Variants in FNTB observed in about 807,000 individuals in gnomAD.
FNTB encodes the protein farnesyltransferase, CAAX box, subunit beta.
Under a neutral mutation model 59.4 loss-of-function variants are expected in FNTB, and 27 were observed. The observed-to-expected ratio is 0.45, with a 90% CI of 0.34 to 0.63. The LOEUF (loss-of-function observed/expected upper bound fraction) is 0.63, where lower values mean the gene tolerates loss of function less well. Ranked by LOEUF, FNTB falls within the 20% of genes least tolerant of loss-of-function variation. The probability of loss-of-function intolerance (pLI) is 0.02; values close to 1 mark genes in which losing one functional copy is unlikely to be tolerated. For missense variants in FNTB, 449 were observed against 559.6 expected (o/e 0.80, Z 1.99); for synonymous variants, 230 against 220.7 (o/e 1.04, Z -0.37).
chr14:65,002,612 T>A (rs897683140), intron 1 of FNTB, among the ~76,000 whole-genome samples: 2 of 149,602 alleles, frequency 1.3e-5, no homozygotes, highest in Admixed American at 6.7e-5. Flanking sequence ...CTCAAAAAAA[T>A]AATAATAATA....
At position 65,011,453 on chromosome 14, in the gene FNTB, G is replaced by A. The variant is rs201721177; in HGVS notation, c.210-864G>A. ...CAGGAAAAAAAAAAAAAAAAAAAAAGACTGCATGAAGGCTCTTACTCTGAG... is the reference window on the plus strand; with the variant it reads ...CAGGAAAAAAAAAAAAAAAAAAAAAAACTGCATGAAGGCTCTTACTCTGAG... On this transcript the variant is annotated intron_variant, in intron 2 of 11. Transcript: ENST00000246166. The surrounding 1 kb of genome is among the most constrained non-coding windows in gnomAD (Gnocchi z 4.0). Among the ~76,000 whole-genome samples the A allele has an allele frequency of 6.2e-4, 81 of 130,676 alleles. No individual in the cohort carries two copies. The highest frequency in any genetic ancestry group is 9.1e-4 in the Non-Finnish European group (58 of 64,072). The allele number at this position is 130,676 out of a possible 152,430, so 85.7% of individuals were successfully genotyped here.
At chr14:65,019,344 A>G (rs937749502) in intron 4 of FNTB, among the ~76,000 whole-genome samples, 1 of 151,628 alleles carries the variant, frequency 6.6e-6, no homozygotes, top group Non-Finnish European at 1.5e-5. Context: ...AAAAATAGCC[A>G]GATGTGGTGG....
chr14:65,005,517 C>CTCTCTT (rs1340043723), intron 2 of FNTB, among the ~76,000 whole-genome samples: 8 of 135,756 alleles, frequency 5.9e-5, no homozygotes, highest in East Asian at 2.3e-4. Flanking sequence ...TTCTTTCTCT[C>CTCTCTT]TCTCTTTCTC....
In FNTB at chr14:65,027,438, T is replaced by C. The variant is rs773669436; in HGVS notation, c.375-15T>C. The C allele has an allele frequency of 2.5e-6, 4 of 1,613,570 alleles. No individual in the cohort carries two copies. The highest frequency in any genetic ancestry group is 3.4e-6 in the Non-Finnish European group (4 of 1,179,794). On this transcript the variant is annotated splice_polypyrimidine_tract_variant and intron_variant, in intron 4 of 11. Transcript: ENST00000246166. The surrounding 1 kb of genome is among the most constrained non-coding windows in gnomAD (Gnocchi z 5.7). Reference sequence around the variant, plus strand: ...GCTCTCTGACTTTGTTTTTGCCCTTTGGCTGTGTACCTAGTGTGTGTCAGT... The same window carrying C: ...GCTCTCTGACTTTGTTTTTGCCCTTCGGCTGTGTACCTAGTGTGTGTCAGT...
chr14:64,989,211 C>A (rs1027568738), intron 1 of FNTB, among the ~76,000 whole-genome samples: 1 of 143,518 alleles, frequency 7.0e-6, no homozygotes, highest in Non-Finnish European at 1.5e-5. Context: ...GAGTTCGAGG[C>A]GGGAAGATCA....
intron 4 of FNTB, among the ~76,000 whole-genome samples, chr14:65,024,675 CA>C (rs1255810814): frequency 2.0e-5 from 3 of 152,156 alleles, no homozygotes; most frequent in African/African-American, 7.2e-5. Flanking sequence ...TTGTTTTTCA[CA>C]AAATGTGCCA....
chr14:65,048,202 C>G (rs892861417), intron 9 of FNTB, among the ~76,000 whole-genome samples: 40 of 151,636 alleles, frequency 2.6e-4, no homozygotes, highest in Non-Finnish European at 5.9e-5. Flanking sequence ...TGGCTGGTCT[C>G]AAACTCCTGG....
intron 7 of FNTB, among the ~76,000 whole-genome samples, chr14:65,037,730 TTTATTTATTTA>T (rs1205614401): frequency 2.8e-4 from 22 of 79,158 alleles, no homozygotes; most frequent in South Asian, 9.5e-4. Flanking sequence ...CAGCCTCTTA[TTTATTTATTTA>T]TTATTTATTT....
At chr14:65,045,828 A>T (rs982927869) in intron 9 of FNTB, among the ~76,000 whole-genome samples, 4 of 152,186 alleles carry the variant, frequency 2.6e-5, no homozygotes, top group Non-Finnish European at 5.9e-5. Flanking sequence ...GCCTGGGCCC[A>T]CTGGGCTTTA....
rs550262427 is a variant in FNTB at position 65,001,531 on chromosome 14, G to A, written c.145-2718G>A. Reference sequence around the variant, plus strand: ...ATGTATCCCTGTAGTTAAGCTACTCGTGATTATATGGGAGGGTTGTATAGG... The same window carrying A: ...ATGTATCCCTGTAGTTAAGCTACTCATGATTATATGGGAGGGTTGTATAGG... On this transcript the variant is annotated intron_variant, in intron 1 of 11. Transcript: ENST00000246166. This position sits in a 1 kb window ranked among gnomAD's most constrained non-coding sequence, Gnocchi z 5.5. Among the ~76,000 whole-genome samples the A allele has an allele frequency of 2.0e-5, 3 of 152,242 alleles. No individual in the cohort carries two copies. Among genetic ancestry groups the A allele is most frequent in the East Asian group, 1.9e-4 (1 of 5,180 alleles).
At chr14:65,059,039 C>T (rs988704802) in intron 11 of FNTB, among the ~76,000 whole-genome samples, 1 of 151,890 alleles carries the variant, frequency 6.6e-6, no homozygotes, top group Non-Finnish European at 1.5e-5. Flanking sequence ...TTTTCTTTTT[C>T]AGAGACATGA....
At chr14:65,026,804 A>G (rs895734962) in intron 4 of FNTB, among the ~76,000 whole-genome samples, 6 of 151,904 alleles carry the variant, frequency 3.9e-5, no homozygotes, top group Non-Finnish European at 7.4e-5. Flanking sequence ...GGATGCTGCA[A>G]TGAGCTGAGA....
chr14:64,996,456 T>C (rs1049505675), intron 1 of FNTB, among the ~76,000 whole-genome samples: 3 of 152,246 alleles, frequency 2.0e-5, no homozygotes, highest in Non-Finnish European at 4.4e-5. Context: ...AGAGAGGTAC[T>C]GTTAGGCTTA....
intron 9 of FNTB, among the ~76,000 whole-genome samples, chr14:65,052,555 C>A (rs1296105083): frequency 1.3e-5 from 2 of 152,122 alleles, no homozygotes; most frequent in Non-Finnish European, 2.9e-5. Flanking sequence ...ACTGTGTGGC[C>A]CACAGAATTC....
At position 65,025,928 on chromosome 14, in the gene FNTB, C is replaced by T. The variant is rs545137153; in HGVS notation, c.375-1525C>T. Reference sequence around the variant, plus strand: ...CAAAAAGAAGTATGTGTTGTTTTAACCTGTGACGTTTCAGAACTCACAGAG... The same window carrying T: ...CAAAAAGAAGTATGTGTTGTTTTAATCTGTGACGTTTCAGAACTCACAGAG... On this transcript the variant is annotated intron_variant, in intron 4 of 11. Transcript: ENST00000246166. 2.0e-5 allele frequency among the ~76,000 whole-genome samples: 3 copies of T among 152,330 alleles called. No homozygotes were observed. The South Asian group carries it at 6.2e-4, about 32-fold the overall frequency.
At position 64,990,018 on chromosome 14, in the gene FNTB, A is replaced by C. The variant is rs544399142; in HGVS notation, c.144+2921A>C. On this transcript the variant is annotated intron_variant, in intron 1 of 11. Coordinates refer to ENST00000246166, the MANE Select transcript of FNTB (RefSeq NM_002028.4). This position sits in a 1 kb window ranked among gnomAD's most constrained non-coding sequence, Gnocchi z 5.2. ...CATGTGATCTGAGACCTGAAGTCTC[A>C]GATGAGGGAGGAAGCCATCATGGAT... Among the ~76,000 whole-genome samples, 3 of 152,154 alleles carry C rather than the reference A, an allele frequency of 2.0e-5. No homozygotes were observed. Among genetic ancestry groups the C allele is most frequent in the Non-Finnish European group, 4.4e-5 (3 of 68,028 alleles).
intron 1 of FNTB, among the ~76,000 whole-genome samples, chr14:64,988,123 A>G (rs1888025672): frequency 6.6e-6 from 1 of 152,248 alleles, no homozygotes; most frequent in South Asian, 2.1e-4. Flanking sequence ...ATGACTAAAT[A>G]GAATTATAAA....
At chr14:65,006,494 C>T (rs780533583) in intron 2 of FNTB, among the ~76,000 whole-genome samples, 4 of 152,190 alleles carry the variant, frequency 2.6e-5, no homozygotes, top group Non-Finnish European at 5.9e-5. Flanking sequence ...GTATCCTTGG[C>T]AGTTCGCTGC....
chr14:65,051,109 T>TC (rs1456296024), intron 9 of FNTB, among the ~76,000 whole-genome samples: 1 of 152,210 alleles, frequency 6.6e-6, no homozygotes, highest in Non-Finnish European at 1.5e-5. Context: ...TGGATGCTTC[T>TC]CCTTAGGTCG....
Sources: allele counts gnomAD v4.1 joint callset (sites outside exome capture counted in the v4.1 genomes callset), GRCh38; gene constraint gnomAD v4.1.1; non-coding constraint Gnocchi (gnomAD v3.1); transcripts MANE v1.5; gene names NCBI Gene and HGNC (gene_info 2026-07-23, HGNC 2026-07-21).